Variants in MTERF4 observed in about 807,000 individuals in gnomAD.
MTERF4 encodes the protein transcription termination factor 4, mitochondrial.
Under a neutral mutation model 22.5 loss-of-function variants are expected in MTERF4, and 17 were observed. The ratio of observed to expected loss-of-function variants is 0.75; its 90% confidence interval spans 0.52 to 1.13. The LOEUF (loss-of-function observed/expected upper bound fraction) is 1.13. Among genes scored for constraint, MTERF4 ranks in the 50% most tolerant of loss-of-function variants. MTERF4 has a pLI of 0.00. For missense variants in MTERF4, 420 were observed against 466.8 expected (o/e 0.90, Z 0.92); for synonymous variants, 165 against 175.3 (o/e 0.94, Z 0.47).
At chr2:241,090,555 A>ACAGGG, downstream of MTERF4, 1 of 1,303,852 alleles carries the variant, frequency 7.7e-7, no homozygotes, top group Non-Finnish European at 1.0e-6. Flanking sequence ...ACTTCTATAC[A>ACAGGG]CAGGGCAGTG....
chr2:241,080,904 A>G (rs1351501478), intron 4 of MTERF4, among the ~76,000 whole-genome samples: 2 of 151,894 alleles, frequency 1.3e-5, no homozygotes, highest in South Asian at 2.1e-4. Flanking sequence ...TTCACAGACC[A>G]CTCTCCAGCT....
At chr2:241,048,750 G>T in the MTERF4 span, 1 of 1,611,320 alleles carries the variant, frequency 6.2e-7, no homozygotes, top group Non-Finnish European at 8.5e-7. Context: ...GATTCTTTGG[G>T]CTTCTCTGTG....
At chr2:241,069,628 A>G (rs903714889), downstream of MTERF4, among the ~76,000 whole-genome samples, 1 of 152,080 alleles carries the variant, frequency 6.6e-6, no homozygotes, top group Non-Finnish European at 1.5e-5. This position sits in a 1 kb window ranked among gnomAD's most constrained non-coding sequence, Gnocchi z 4.9. Flanking sequence ...GGCTCAGGGG[A>G]ACCGACTGTG....
chr2:241,089,894 G>A (rs1461851416), downstream of MTERF4: 4 of 1,506,154 alleles, frequency 2.7e-6, no homozygotes, highest in Non-Finnish European at 3.6e-6. Context: ...TACTGTAGGC[G>A]GTCGTAACAC....
At chr2:241,068,793 C>G, downstream of MTERF4, 1 of 688,296 alleles carries the variant, frequency 1.5e-6, no homozygotes, top group Middle Eastern at 2.5e-4. This position sits in a 1 kb window ranked among gnomAD's most constrained non-coding sequence, Gnocchi z 5.3. Flanking sequence ...CCTGGGCCAC[C>G]AGCAGCAGGA....
At chr2:241,080,462 G>T (rs1244940272) in intron 4 of MTERF4, among the ~76,000 whole-genome samples, 1 of 152,158 alleles carries the variant, frequency 6.6e-6, no homozygotes, top group African/African-American at 2.4e-5. Context: ...CAGGCTGTGG[G>T]CTCTAGATCT....
downstream of MTERF4, among the ~76,000 whole-genome samples, chr2:241,084,594 T>C (rs902741930): frequency 1.3e-5 from 2 of 152,212 alleles, no homozygotes; most frequent in Non-Finnish European, 2.9e-5. Flanking sequence ...TTATCAGACT[T>C]TTTCCTTCCA....
At chr2:241,061,954 A>C in the MTERF4 span, among the ~76,000 whole-genome samples, 1 of 152,132 alleles carries the variant, frequency 6.6e-6, no homozygotes, top group Non-Finnish European at 1.5e-5. Flanking sequence ...ATATAACCAC[A>C]CTGTGTAATG....
At chr2:241,068,634 G>C (rs1047979531), downstream of MTERF4, among the ~76,000 whole-genome samples, 1 of 151,880 alleles carries the variant, frequency 6.6e-6, no homozygotes, top group Non-Finnish European at 1.5e-5. The surrounding 1 kb of genome is among the most constrained non-coding windows in gnomAD (Gnocchi z 5.3). Flanking sequence ...CCCTTCTCTG[G>C]CCTCTCCCAG....
At chr2:241,048,669 C>G in the MTERF4 span, 21 of 1,609,508 alleles carry the variant, frequency 1.3e-5, no homozygotes, top group Non-Finnish European at 1.8e-5. Flanking sequence ...CAGGAGTCCC[C>G]GATGACTGTG....
At chr2:241,088,097 TTC>T, downstream of MTERF4, 2 of 487,568 alleles carry the variant, frequency 4.1e-6, no homozygotes, top group Non-Finnish European at 7.3e-6. Flanking sequence ...TTTGCTTGCT[TTC>T]TCCCACGTCC....
chr2:241,071,775 A>T (rs2062734638), downstream of MTERF4: 2 of 1,412,056 alleles, frequency 1.4e-6, no homozygotes, highest in Non-Finnish European at 1.9e-6. Context: ...GACTGTGGTG[A>T]CCCTCCCACC....
rs1475394476 is a variant in MTERF4, at chr2:241,073,929, C to T, written n.2233G>A. 6.3e-6 allele frequency: 1 copy of T among 158,872 alleles called. No homozygotes were observed. The highest frequency in any genetic ancestry group is 1.4e-5 in the Non-Finnish European group (1 of 72,628). The allele number at this position is 158,872 out of a possible 1,614,324, so 9.8% of individuals were successfully genotyped here. The stretch of plus-strand genomic sequence containing the variant: ...CTGCTGAGCACCTGCAGTAAGAGTT[C>T]CCAGACGCTCACGAGGCAGTTCCCC... On this transcript the variant is annotated non_coding_transcript_exon_variant, in exon 5 of 5. Transcript: ENST00000464344. This position sits in a 1 kb window ranked among gnomAD's most constrained non-coding sequence, Gnocchi z 6.6.
the MTERF4 span, among the ~76,000 whole-genome samples, chr2:241,059,433 G>A: frequency 1.3e-5 from 2 of 152,158 alleles, no homozygotes. Context: ...CAACTTATTT[G>A]ATAACTTCTC....
At chr2:241,101,382 G>C (rs1251359838) in intron 1 of MTERF4, among the ~76,000 whole-genome samples, 1 of 152,256 alleles carries the variant, frequency 6.6e-6, no homozygotes, top group African/African-American at 2.4e-5. Context: ...GGTAATGCCA[G>C]CGAAGGGAGC....
the MTERF4 span, chr2:241,048,366 G>T: frequency 1.9e-6 from 3 of 1,611,684 alleles, no homozygotes; most frequent in Non-Finnish European, 2.5e-6. Context: ...CACAATGGGG[G>T]CACCTGTGTG....
At chr2:241,067,965 G>C, downstream of MTERF4, 1 of 1,598,304 alleles carries the variant, frequency 6.3e-7, no homozygotes. Context: ...GGGACACCCA[G>C]AGCATGGGGC....
the MTERF4 span, chr2:241,048,709 G>A: frequency 3.7e-4 from 594 of 1,612,794 alleles, no homozygotes; most frequent in Non-Finnish European, 4.5e-4. Flanking sequence ...ATGCCTGGGC[G>A]CCAACACCAC....
At chr2:241,076,765 C>T (rs748596323) in intron 4 of MTERF4, among the ~76,000 whole-genome samples, 40 of 151,100 alleles carry the variant, frequency 2.6e-4, no homozygotes, top group Non-Finnish European at 1.9e-4. Context: ...GGGCCGGGCG[C>T]GGGGGCTCAC....
Sources: gnomAD v4.1 joint callset for allele counts (sites outside exome capture counted in the v4.1 genomes callset) on GRCh38, gnomAD v4.1.1 for gene constraint, Gnocchi (gnomAD v3.1) non-coding constraint, MANE v1.5 for transcripts, NCBI Gene and HGNC (gene_info 2026-07-23, HGNC 2026-07-21) for gene names.